ERBB4: variants seen among roughly 807,000 people sequenced by gnomAD.
The protein encoded by ERBB4 is receptor tyrosine-protein kinase erbB-4.
In ERBB4, 42 loss-of-function variants were observed where a neutral mutation model predicts 158.0. The ratio of observed to expected loss-of-function variants is 0.27; its 90% CI spans 0.21 to 0.34. The LOEUF is 0.34. Among genes scored for constraint, ERBB4 ranks in the 10% least tolerant of loss-of-function variants. The probability of loss-of-function intolerance (pLI) is 1.00; values close to 1 mark genes in which losing one functional copy is unlikely to be tolerated. For missense variants in ERBB4, 1,333 were observed against 1,624.1 expected (o/e 0.82, Z 3.08); for synonymous variants, 583 against 558.7 (o/e 1.04, Z -0.61).
At chr2:211,419,517 A>AAATT (rs2063469184) in intron 25 of ERBB4, among the ~76,000 whole-genome samples, 1 of 152,106 alleles carries the variant, frequency 6.6e-6, no homozygotes, top group African/African-American at 2.4e-5. Context: ...CTTCTAGAAA[A>AAATT]AATTAAGCAT....
chr2:211,564,538 CAA>C (rs1280105505), intron 19 of ERBB4, among the ~76,000 whole-genome samples: 2 of 152,164 alleles, frequency 1.3e-5, no homozygotes, highest in South Asian at 2.1e-4. Flanking sequence ...TCAAAATTCT[CAA>C]AGTTTTGTTT....
At chr2:212,006,257 TATAA>T (rs1265339820) in intron 2 of ERBB4, among the ~76,000 whole-genome samples, 18 of 152,256 alleles carry the variant, frequency 1.2e-4, no homozygotes, top group African/African-American at 3.8e-4. Context: ...TATTTCAATA[TATAA>T]ATAAACTTTC....
chr2:211,877,261 G>A (rs1333249155), intron 3 of ERBB4, among the ~76,000 whole-genome samples: 1 of 152,192 alleles, frequency 6.6e-6, no homozygotes, highest in African/African-American at 2.4e-5. Flanking sequence ...GAATTTATGT[G>A]CTGAGGTTGG....
chr2:212,012,784 C>G (rs2076420465), intron 2 of ERBB4, among the ~76,000 whole-genome samples: 1 of 151,722 alleles, frequency 6.6e-6, no homozygotes, highest in East Asian at 1.9e-4. Context: ...TTTCTATGTC[C>G]CTCAGCCTGG....
intron 19 of ERBB4, among the ~76,000 whole-genome samples, chr2:211,589,518 G>C (rs999554033): frequency 6.6e-6 from 1 of 152,042 alleles, no homozygotes; most frequent in African/African-American, 2.4e-5. Context: ...TAATAGCTTA[G>C]CCATCAGTCT....
At chr2:211,847,572 G>A (rs992862968) in intron 3 of ERBB4, among the ~76,000 whole-genome samples, 1 of 152,106 alleles carries the variant, frequency 6.6e-6, no homozygotes, top group African/African-American at 2.4e-5. Context: ...GCCACATGTG[G>A]CCCAGAACAG....
intron 5 of ERBB4, among the ~76,000 whole-genome samples, chr2:211,730,568 C>G (rs943911934): frequency 1.3e-5 from 2 of 151,972 alleles, no homozygotes; most frequent in Non-Finnish European, 2.9e-5. Flanking sequence ...AACTAACAGT[C>G]TTTCAAACTT....
chr2:212,408,238 C>T (rs2091403878), intron 1 of ERBB4, among the ~76,000 whole-genome samples: 6 of 152,004 alleles, frequency 3.9e-5, no homozygotes. Context: ...ATGCTCTCCC[C>T]TATCCCCACC....
At chr2:212,276,273 C>A (rs1043125854) in intron 1 of ERBB4, among the ~76,000 whole-genome samples, 1 of 151,628 alleles carries the variant, frequency 6.6e-6, no homozygotes, top group Admixed American at 6.6e-5. Flanking sequence ...AGGGAGGATG[C>A]CACTTTAGAT....
intron 2 of ERBB4, among the ~76,000 whole-genome samples, chr2:212,102,942 G>A (rs1436694551): frequency 1.3e-5 from 2 of 152,000 alleles, no homozygotes; most frequent in African/African-American, 2.4e-5. Context: ...TTAGACTGCT[G>A]CAATTAACTA....
At chr2:211,754,793 C>T (rs995653358) in intron 4 of ERBB4, among the ~76,000 whole-genome samples, 2 of 152,026 alleles carry the variant, frequency 1.3e-5, no homozygotes, top group African/African-American at 4.8e-5. Flanking sequence ...CTCCACCTCC[C>T]AGGTTCAAGC....
At position 212,365,939 on chromosome 2, in the gene ERBB4, A is replaced by G. The variant is rs1273998117; in HGVS notation, c.82+172510T>C. Among the ~76,000 whole-genome samples the G allele has an allele frequency of 2.0e-5, 3 of 151,864 alleles. No homozygotes were observed. The Admixed American group carries it at 2.0e-4, about 10-fold the overall frequency. On this transcript the variant is annotated intron_variant, in intron 1 of 27. Transcript: ENST00000342788. ...CACGATCAGACCAGCTAAAACAACA[A>G]TGACAATTAAGCATATAGTAGAAAA...
intron 19 of ERBB4, among the ~76,000 whole-genome samples, chr2:211,608,481 C>G (rs940873376): frequency 6.6e-6 from 1 of 152,174 alleles, no homozygotes; most frequent in African/African-American, 2.4e-5. Context: ...TAAATACTAT[C>G]TGTAAGCTTT....
intron 1 of ERBB4, among the ~76,000 whole-genome samples, chr2:212,168,323 A>T (rs1333303814): frequency 6.6e-6 from 1 of 152,126 alleles, no homozygotes; most frequent in African/African-American, 2.4e-5. Context: ...AGTTTCGTAT[A>T]CAGTGTGTTC....
intron 1 of ERBB4, among the ~76,000 whole-genome samples, chr2:212,209,554 C>T (rs1244562279): frequency 6.6e-6 from 1 of 152,044 alleles, no homozygotes; most frequent in African/African-American, 2.4e-5. Flanking sequence ...AATGTGACTA[C>T]TTGGGCTAAA....
rs151116952 is a variant in ERBB4, at chr2:212,533,150, C to G, written c.82+5299G>C. Among the ~76,000 whole-genome samples the G allele has an allele frequency of 2.9e-3, 438 of 152,168 alleles. 1 individual carries two copies. The highest frequency in any genetic ancestry group is 9.1e-3 in the African/African-American group (376 of 41,514). On this transcript the variant is annotated intron_variant, in intron 1 of 27. Coordinates refer to ENST00000342788, the MANE Select transcript of ERBB4 (RefSeq NM_005235.3). ...GGGAAATTGCCCTCAAATACAAATG[C>G]CTTTGAGTTAATAAGCTCTTTATTT...
chr2:212,212,551 TAAA>T (rs59628689), intron 1 of ERBB4, among the ~76,000 whole-genome samples: 1 of 148,818 alleles, frequency 6.7e-6, no homozygotes, highest in Non-Finnish European at 1.5e-5. Context: ...TTCACAGAAT[TAAA>T]AAAAAAAAAG....
intron 20 of ERBB4, among the ~76,000 whole-genome samples, chr2:211,472,938 T>G (rs2064865826): frequency 6.6e-6 from 1 of 151,316 alleles, no homozygotes; most frequent in Admixed American, 6.6e-5. Flanking sequence ...ATATTTATTA[T>G]TATTATTTTG....
intron 20 of ERBB4, among the ~76,000 whole-genome samples, chr2:211,443,123 T>C (rs2064027920): frequency 6.6e-6 from 1 of 152,058 alleles, no homozygotes; most frequent in Admixed American, 6.6e-5. Context: ...TCATCCTTAC[T>C]CTTTCTATTG....
Sources: gnomAD v4.1 joint callset for allele counts (sites outside exome capture counted in the v4.1 genomes callset) on GRCh38, gnomAD v4.1.1 for gene constraint, MANE v1.5 for transcripts, NCBI Gene and HGNC (gene_info 2026-07-23, HGNC 2026-07-21) for gene names.